CASK: variants seen among roughly 807,000 people sequenced by gnomAD.
CASK encodes peripheral plasma membrane protein CASK.
In CASK, 4 loss-of-function variants were observed where a neutral mutation model predicts 82.9. The ratio of observed to expected loss-of-function variants is 0.05; its 90% CI spans 0.02 to 0.11. The LOEUF (loss-of-function observed/expected upper bound fraction) is 0.11. CASK is among the 10% of genes least tolerant of loss of function. The pLI is 1.00. For missense variants in CASK, 358 were observed against 720.9 expected, an observed-to-expected ratio of 0.50 and a Z score of 5.76; for synonymous variants, 259 against 253.5, an observed-to-expected ratio of 1.02 and a Z score of -0.20.
At chrX:41,600,790 G>A (rs1214267211) in intron 12 of CASK, among the ~76,000 whole-genome samples, 1 of 111,831 alleles carries the variant, frequency 8.9e-6, no homozygotes, top group South Asian at 3.7e-4. Context: ...AATTCCCTAC[G>A]ATTAGACAGC....
chrX:41,867,067 T>C (rs1309508230), intron 1 of CASK, among the ~76,000 whole-genome samples: 2 of 112,248 alleles, frequency 1.8e-5, no homozygotes, highest in Admixed American at 9.4e-5. Context: ...TGTTTGGGAA[T>C]TGGTGTTTTT....
chrX:41,850,995 T>C (rs2071253910), intron 2 of CASK, among the ~76,000 whole-genome samples: 1 of 111,676 alleles, frequency 9.0e-6, no homozygotes, highest in East Asian at 2.8e-4. Context: ...ATTTTGATTG[T>C]TTCCTAACTT....
intron 10 of CASK, among the ~76,000 whole-genome samples, chrX:41,624,106 T>TCCA (rs753783254): frequency 8.9e-6 from 1 of 112,358 alleles, no homozygotes; most frequent in Admixed American, 9.5e-5. Flanking sequence ...TGTGATTATA[T>TCCA]CATACAGCCA....
In CASK at chrX:41,727,272, A is replaced by G. The variant is rs761007876; in HGVS notation, c.429+12112T>C. On this transcript the variant is annotated intron_variant, in intron 5 of 26. Transcript: ENST00000378163. ...ATTTCCTGAAAGGTTTCCAATGGGA[A>G]TATCAATCTGCTCAATGCAGAGTGG... 5.8e-6 allele frequency: 7 copies of G among 1,208,386 alleles called. No homozygotes were observed. In the South Asian group the frequency reaches 8.8e-5, roughly 15 times the overall value.
chrX:41,581,445 T>C (rs955444289), intron 14 of CASK, among the ~76,000 whole-genome samples: 15 of 110,709 alleles, frequency 1.4e-4, no homozygotes, highest in Non-Finnish European at 2.3e-4. Context: ...TTCCTTTAGT[T>C]ACTGTAAATA....
chrX:41,617,868 AT>A (rs749997283), intron 11 of CASK, among the ~76,000 whole-genome samples: 1 of 112,469 alleles, frequency 8.9e-6, no homozygotes, highest in East Asian at 2.8e-4. Flanking sequence ...TAAAATAACT[AT>A]TTTTCTCAAA....
chrX:41,601,796 C>T (rs897164757), intron 12 of CASK, among the ~76,000 whole-genome samples: 3 of 111,211 alleles, frequency 2.7e-5, no homozygotes, highest in African/African-American at 9.8e-5. Context: ...AATCTATGAT[C>T]CATTTTGAGG....
chrX:41,572,265 T>A (rs144586187), intron 15 of CASK, among the ~76,000 whole-genome samples: 29 of 109,728 alleles, frequency 2.6e-4, no homozygotes, highest in African/African-American at 9.1e-4. Context: ...CTTTTTACTT[T>A]GAAACTATTC....
At chrX:41,808,191 A>C (rs954953638) in intron 2 of CASK, among the ~76,000 whole-genome samples, 20 of 112,072 alleles carry the variant, frequency 1.8e-4, no homozygotes, top group Non-Finnish European at 2.8e-4. Flanking sequence ...CAATACTGTT[A>C]CAACGGCAAT....
At chrX:41,573,405 C>T (rs945032728) in intron 15 of CASK, among the ~76,000 whole-genome samples, 1 of 110,308 alleles carries the variant, frequency 9.1e-6, no homozygotes, top group African/African-American at 3.3e-5. Context: ...TTTCTTCAAA[C>T]ATTTCTTCTT....
chrX:41,753,797 G>C (rs1224386193), intron 3 of CASK, among the ~76,000 whole-genome samples: 1 of 111,619 alleles, frequency 9.0e-6, no homozygotes, highest in Non-Finnish European at 1.9e-5. Flanking sequence ...GAGGTGGAAG[G>C]CTTGATTGAA....
At chrX:41,880,581 T>C (rs969952601) in intron 1 of CASK, among the ~76,000 whole-genome samples, 2 of 111,672 alleles carry the variant, frequency 1.8e-5, no homozygotes, top group Admixed American at 1.9e-4. Flanking sequence ...CATTGGAATA[T>C]ACCTGGAACA....
intron 2 of CASK, among the ~76,000 whole-genome samples, chrX:41,801,698 G>A (rs1308553116): frequency 1.8e-5 from 2 of 111,497 alleles, no homozygotes; most frequent in Non-Finnish European, 3.8e-5. Context: ...ACCTTTATAG[G>A]TATGCAGTAT....
intron 3 of CASK, among the ~76,000 whole-genome samples, chrX:41,749,901 T>G (rs2068759072): frequency 8.9e-6 from 1 of 111,768 alleles, no homozygotes; most frequent in Admixed American, 9.5e-5. Context: ...TTCTTTATAT[T>G]GGTTTAAAGT....
At chrX:41,786,979 G>A (rs2069620174) in intron 3 of CASK, 199 bp downstream of exon 3, 1 of 412,742 alleles carries the variant, frequency 2.4e-6, no homozygotes, top group East Asian at 4.3e-5. Flanking sequence ...AGCATGAAGA[G>A]TAACTGAATA....
At chrX:41,571,532 A>C (rs2065411940) in intron 15 of CASK, among the ~76,000 whole-genome samples, 1 of 111,069 alleles carries the variant, frequency 9.0e-6, no homozygotes, top group Admixed American at 9.6e-5. Flanking sequence ...TTGGTAATTC[A>C]TGTTTTTTTT....
At chrX:41,804,141 A>G (rs2070061728) in intron 2 of CASK, among the ~76,000 whole-genome samples, 1 of 111,417 alleles carries the variant, frequency 9.0e-6, no homozygotes, top group Admixed American at 9.5e-5. Flanking sequence ...TGAGGTCAGG[A>G]GTACGAGACC....
intron 2 of CASK, among the ~76,000 whole-genome samples, chrX:41,791,726 T>C (rs1407490423): frequency 1.0e-4 from 11 of 105,341 alleles, no homozygotes; most frequent in African/African-American, 3.1e-4. Context: ...CCATCTCAGA[T>C]TAAAAAAAAA....
chrX:41,517,764 TAGCAGTAGCAGCAGC>T lies in CASK; in HGVS notation c.*2641_*2655del, dbSNP rs2064576355. 8.2e-6 allele frequency: 6 copies of T among 734,601 alleles called. No individual in the cohort carries two copies. The highest frequency in any genetic ancestry group is 4.6e-5 in the South Asian group (2 of 43,752). 60.5% of individuals were successfully genotyped at this position (734,601 alleles called of 1,213,427 possible). On this transcript the variant is annotated 3_prime_UTR_variant, in exon 27 of 27. Transcript: ENST00000378163. ...GATTGCTTAGTGGACAATTGTAATG[TAGCAGTAGCAGCAGC>T]AGCAGCAGCAGCAGCAGCAGCAGCA...
Sources: gnomAD v4.1 joint callset for allele counts (sites outside exome capture counted in the v4.1 genomes callset) on GRCh38, gnomAD v4.1.1 for gene constraint, MANE v1.5 for transcripts, NCBI Gene and HGNC (gene_info 2026-07-23, HGNC 2026-07-21) for gene names.